The following MYT1L variants were observed in gnomAD, a reference collection of about 807,000 sequenced individuals.
The protein encoded by MYT1L is myelin transcription factor 1-like protein.
MYT1L carries 12 observed loss-of-function variants against 126.7 expected under a neutral mutation model. That is an observed-to-expected ratio of 0.09 (90% CI 0.06 to 0.15). The LOEUF (loss-of-function observed/expected upper bound fraction) is 0.15, where lower values mean the gene tolerates loss of function less well. Ranked by LOEUF, MYT1L falls within the 10% of genes least tolerant of loss-of-function variation. The probability of loss-of-function intolerance (pLI) is 1.00; values close to 1 mark genes in which losing one functional copy is unlikely to be tolerated. For synonymous variants in MYT1L, 541 were observed against 604.2 expected (o/e 0.90, Z 1.53); for missense variants, 979 against 1,585.2 (o/e 0.62, Z 6.49).
intron 2 of MYT1L, among the ~76,000 whole-genome samples, chr2:2,200,175 G>A (rs1422896528): frequency 6.6e-6 from 1 of 152,086 alleles, no homozygotes; most frequent in Non-Finnish European, 1.5e-5. Context: ...TGATTTGCAG[G>A]TTTCATGACA....
intron 4 of MYT1L, among the ~76,000 whole-genome samples, chr2:2,046,281 A>G (rs1297337041): frequency 6.6e-6 from 1 of 152,156 alleles, no homozygotes; most frequent in African/African-American, 2.4e-5. Context: ...CATTACATGC[A>G]TGGTTTTTTC....
intron 4 of MYT1L, among the ~76,000 whole-genome samples, chr2:2,013,134 T>C (rs2149775150): frequency 6.6e-6 from 1 of 152,268 alleles, no homozygotes; most frequent in East Asian, 1.9e-4. Context: ...TTTTATGGCA[T>C]GTGAATTATA....
chr2:1,972,951 G>A (rs185698222), intron 8 of MYT1L, among the ~76,000 whole-genome samples: 104 of 151,210 alleles, frequency 6.9e-4, no homozygotes, highest in African/African-American at 2.4e-3. Context: ...CCTAACTTTC[G>A]GGTGTTTATT....
chr2:2,055,226 A>G (rs778354398), intron 3 of MYT1L, among the ~76,000 whole-genome samples: 9 of 152,196 alleles, frequency 5.9e-5, no homozygotes, highest in Non-Finnish European at 1.2e-4. Context: ...AGCATACGGG[A>G]TGTATCTGCA....
chr2:2,002,285 C>G (rs2062468698), intron 4 of MYT1L, among the ~76,000 whole-genome samples: 1 of 152,124 alleles, frequency 6.6e-6, no homozygotes, highest in Non-Finnish European at 1.5e-5. Context: ...TCTGCTGCTG[C>G]CGAACAGCAG....
chr2:2,005,245 G>GGCATTCTTTCCTGCAT (rs1553407484), intron 4 of MYT1L, among the ~76,000 whole-genome samples: 12 of 128,038 alleles, frequency 9.4e-5, no homozygotes, highest in South Asian at 2.7e-4. Flanking sequence ...CTCTCCTGCA[G>GGCATTCTTTCCTGCAT]GCGTTCTTTC....
At chr2:1,836,009 T>C (rs1262814971) in intron 21 of MYT1L, among the ~76,000 whole-genome samples, 4 of 152,116 alleles carry the variant, frequency 2.6e-5, no homozygotes, top group Non-Finnish European at 4.4e-5. Flanking sequence ...ATGCCTGGAC[T>C]TCTGTGGGCC....
At chr2:2,138,723 T>C (rs1418883513) in intron 3 of MYT1L, among the ~76,000 whole-genome samples, 5 of 135,522 alleles carry the variant, frequency 3.7e-5, no homozygotes, top group Middle Eastern at 3.6e-3. Flanking sequence ...AGGGATAGCA[T>C]TGGGAGATAT....
chr2:2,317,699 G>A (rs1402023662), intron 1 of MYT1L, among the ~76,000 whole-genome samples: 1 of 152,138 alleles, frequency 6.6e-6, no homozygotes, highest in East Asian at 1.9e-4. Flanking sequence ...TGTGTCATGG[G>A]TCATTTTTAA....
At chr2:1,959,885 T>C (rs2058818932) in intron 8 of MYT1L, among the ~76,000 whole-genome samples, 2 of 152,246 alleles carry the variant, frequency 1.3e-5, no homozygotes, top group Non-Finnish European at 2.9e-5. Context: ...TCATATCTTA[T>C]TATGAATTAT....
chr2:2,322,830 A>G (rs1480904730), intron 1 of MYT1L, among the ~76,000 whole-genome samples: 1 of 152,232 alleles, frequency 6.6e-6, no homozygotes, highest in Non-Finnish European at 1.5e-5. Flanking sequence ...CAATGAGAAA[A>G]TAATGGAACT....
chr2:2,135,892 A>C (rs2082984079), intron 3 of MYT1L, among the ~76,000 whole-genome samples: 1 of 152,242 alleles, frequency 6.6e-6, no homozygotes, highest in Non-Finnish European at 1.5e-5. Context: ...GGGTCTCTTA[A>C]GAAAACGTTC....
chr2:2,184,404 A>C (rs1211675443), intron 2 of MYT1L, among the ~76,000 whole-genome samples: 1 of 152,214 alleles, frequency 6.6e-6, no homozygotes, highest in Non-Finnish European at 1.5e-5. Flanking sequence ...GAACGGACGA[A>C]GGCCCTCAGT....
At chr2:2,146,832 C>G (rs1183485700) in intron 3 of MYT1L, among the ~76,000 whole-genome samples, 1 of 152,206 alleles carries the variant, frequency 6.6e-6, no homozygotes, top group East Asian at 1.9e-4. Context: ...TCCTTTGGTG[C>G]TTCTGCAGCA....
chr2:2,178,995 G>T (rs1572178652), intron 2 of MYT1L, among the ~76,000 whole-genome samples: 1 of 152,290 alleles, frequency 6.6e-6, no homozygotes. Context: ...CTTAGAAAAA[G>T]TGAGGAATAG....
intron 1 of MYT1L, among the ~76,000 whole-genome samples, chr2:2,294,265 C>T (rs1043994182): frequency 1.3e-5 from 2 of 152,118 alleles, no homozygotes; most frequent in African/African-American, 4.8e-5. Context: ...TGAGGGGAGC[C>T]CTGTGGTGAG....
At chr2:2,114,872 T>G (rs907920656) in intron 3 of MYT1L, among the ~76,000 whole-genome samples, 2 of 152,204 alleles carry the variant, frequency 1.3e-5, no homozygotes, top group African/African-American at 4.8e-5. Context: ...CACAGTGATT[T>G]TCACTCAGTG....
At chr2:1,995,656 G>T (rs2061774871) in intron 5 of MYT1L, among the ~76,000 whole-genome samples, 2 of 152,306 alleles carry the variant, frequency 1.3e-5, no homozygotes, top group South Asian at 4.1e-4. Flanking sequence ...CATGAGAGAG[G>T]CCCTCCCGTG....
At chr2:1,861,456 T>C (rs2044584212) in intron 18 of MYT1L, among the ~76,000 whole-genome samples, 1 of 152,106 alleles carries the variant, frequency 6.6e-6, no homozygotes, top group South Asian at 2.1e-4. Context: ...TCCTTTACAT[T>C]CGTGTTATTT....
Sources: allele counts gnomAD v4.1 joint callset (sites outside exome capture counted in the v4.1 genomes callset), GRCh38; gene constraint gnomAD v4.1.1; transcripts MANE v1.5; gene names NCBI Gene and HGNC (gene_info 2026-07-23, HGNC 2026-07-21).